BMP7: variants seen among roughly 807,000 people sequenced by gnomAD.
BMP7 encodes the protein osteogenic protein 1.
A neutral mutation model predicts 41.2 loss-of-function variants in BMP7; 12 were observed. The ratio of observed to expected loss-of-function variants is 0.29; its 90% confidence interval spans 0.19 to 0.47. BMP7 has a LOEUF of 0.47. BMP7 is among the 20% of genes least tolerant of loss of function. The probability of loss-of-function intolerance (pLI) is 0.99; values close to 1 mark genes in which losing one functional copy is unlikely to be tolerated. For missense variants in BMP7, 467 were observed against 606.0 expected, an observed-to-expected ratio of 0.77 and a Z score of 2.41; for synonymous variants, 248 against 250.0, an observed-to-expected ratio of 0.99 and a Z score of 0.07.
rs1600646213 is a variant in BMP7 at position 57,255,931 on chromosome 20, A to C, written c.418+9774T>G. ...AGTGATAACCTGTATCTTCCGGGGA[A>C]ACACCAGCAGTCACCTCATTAGCCA... On this transcript the variant is annotated intron_variant, in intron 1 of 6. Transcript: ENST00000395863. Among the ~76,000 whole-genome samples, 7 of 152,280 alleles carry C rather than the reference A, an allele frequency of 4.6e-5. 1 individual carries two copies. The highest frequency in any genetic ancestry group is 4.6e-4 in the Admixed American group (7 of 15,302).
At chr20:57,198,542 C>T (rs184681712) in intron 3 of BMP7, among the ~76,000 whole-genome samples, 72 of 152,346 alleles carry the variant, frequency 4.7e-4, no homozygotes, top group Non-Finnish European at 8.2e-4. Flanking sequence ...GGCTTCTCCC[C>T]GCGAGGGCAC....
intron 2 of BMP7, 87 bp from the exon 3 acceptor site, chr20:57,202,710 G>T: frequency 1.5e-6 from 2 of 1,328,946 alleles, no homozygotes; most frequent in Non-Finnish European, 2.1e-6. Flanking sequence ...AGCCTCATGG[G>T]GTGGGAGGGG....
intron 2 of BMP7, among the ~76,000 whole-genome samples, chr20:57,226,189 AC>A (rs1208475095): frequency 2.6e-5 from 4 of 152,232 alleles, no homozygotes; most frequent in African/African-American, 9.6e-5. Flanking sequence ...GGCACCACAG[AC>A]CATGATGGGA....
intron 2 of BMP7, among the ~76,000 whole-genome samples, chr20:57,222,776 G>A (rs1985217927): frequency 1.4e-5 from 2 of 146,872 alleles, no homozygotes; most frequent in African/African-American, 2.7e-5. Context: ...GTGGCAAGGG[G>A]TAGAAGCCAG....
chr20:57,197,918 C>T (rs983661735), intron 3 of BMP7, among the ~76,000 whole-genome samples: 1 of 152,158 alleles, frequency 6.6e-6, no homozygotes, highest in African/African-American at 2.4e-5. Context: ...GGTTGCTAGT[C>T]CATCCTGCTT....
chr20:57,231,639 G>GACCT (rs1568723945), intron 1 of BMP7, among the ~76,000 whole-genome samples: 1 of 152,230 alleles, frequency 6.6e-6, no homozygotes, highest in East Asian at 1.9e-4. Flanking sequence ...AGCACAGCCA[G>GACCT]ACCTCCAAAG....
intron 1 of BMP7, among the ~76,000 whole-genome samples, chr20:57,256,590 G>A (rs2066135040): frequency 6.6e-6 from 1 of 152,224 alleles, no homozygotes; most frequent in Non-Finnish European, 1.5e-5. Context: ...AGTTGTGGCT[G>A]GGCAAGGTGG....
chr20:57,184,503 G>C (rs1347483258), intron 3 of BMP7, among the ~76,000 whole-genome samples: 2 of 152,122 alleles, frequency 1.3e-5, no homozygotes, highest in African/African-American at 4.8e-5. Flanking sequence ...GCAAGTAGCA[G>C]GGACAACTGG....
rs990049765 is a variant in BMP7, at chr20:57,171,481, C to T, written c.1147-373G>A. 1.3e-5 allele frequency among the ~76,000 whole-genome samples: 2 copies of T among 152,224 alleles called. No homozygotes were observed. Among genetic ancestry groups the T allele is most frequent in the Non-Finnish European group, 2.9e-5 (2 of 68,042 alleles). On this transcript the variant is annotated intron_variant, in intron 6 of 6. Transcript: ENST00000395863. The surrounding 1 kb of genome is among the most constrained non-coding windows in gnomAD (Gnocchi z 4.5). ...TCCATCTTGCTCATGGACTTCTCTG[C>T]ACCTTACAGAGGATGTGGGACAGGG...
At chr20:57,192,029 ATATAGCATAT>A (rs1350720044) in intron 3 of BMP7, among the ~76,000 whole-genome samples, 1 of 124,736 alleles carries the variant, frequency 8.0e-6, no homozygotes, top group African/African-American at 3.3e-5. Context: ...ATAATATATA[ATATAGCATAT>A]TATAGTATAT....
chr20:57,259,554 C>A lies in BMP7; in HGVS notation c.418+6151G>T, dbSNP rs560674916. On this transcript the variant is annotated intron_variant, in intron 1 of 6. Coordinates refer to ENST00000395863, the MANE Select transcript of BMP7 (RefSeq NM_001719.3). This position sits in a 1 kb window ranked among gnomAD's most constrained non-coding sequence, Gnocchi z 4.7. ...TTGCACAGGAACCGGATTATATGCA[C>A]CCTGGCTCCAAAACAATAAAGCAAT... Among the ~76,000 whole-genome samples, 4 of 152,276 alleles carry A rather than the reference C, an allele frequency of 2.6e-5. No homozygotes were observed. The highest frequency in any genetic ancestry group is 6.5e-5 in the Admixed American group (1 of 15,304).
rs917385664 is a variant in BMP7, at chr20:57,213,722, G to A, written c.612-11099C>T. On this transcript the variant is annotated intron_variant, in intron 2 of 6. Coordinates refer to ENST00000395863, the MANE Select transcript of BMP7 (RefSeq NM_001719.3). This position sits in a 1 kb window ranked among gnomAD's most constrained non-coding sequence, Gnocchi z 4.4. ...TGATGAAATCCCCAGAGTGGTCCTC[G>A]GGTCCCACAGTGGGTGCTCAGGGAT... Among the ~76,000 whole-genome samples the A allele has an allele frequency of 1.3e-5, 2 of 152,148 alleles. No homozygotes were observed. Among genetic ancestry groups the A allele is most frequent in the East Asian group, 1.9e-4 (1 of 5,190 alleles).
intron 3 of BMP7, among the ~76,000 whole-genome samples, chr20:57,201,511 A>G (rs890876686): frequency 2.0e-5 from 3 of 152,254 alleles, no homozygotes; most frequent in Non-Finnish European, 4.4e-5. Context: ...GCATCTCTGA[A>G]AAGACAGAAA....
chr20:57,228,224 C>T lies in BMP7; in HGVS notation c.611+5G>A, dbSNP rs1364546946. 6.2e-7 allele frequency: 1 copy of T among 1,613,088 alleles called. No homozygotes were observed. Among genetic ancestry groups the T allele is most frequent in the South Asian group, 1.1e-5 (1 of 91,018 alleles). On this transcript the variant is annotated splice_donor_5th_base_variant and intron_variant, in intron 2 of 6. Transcript: ENST00000395863. The surrounding 1 kb of genome is among the most constrained non-coding windows in gnomAD (Gnocchi z 4.5). ...ACCTCTCCCAGATACCCGTATAGCA[C>T]CCACCTGCCCAAGTGCTCCTGGAGC...
At chr20:57,223,775 C>T (rs937605501) in intron 2 of BMP7, among the ~76,000 whole-genome samples, 37 of 152,216 alleles carry the variant, frequency 2.4e-4, no homozygotes, top group South Asian at 6.2e-4. Context: ...TGCTCTGGAA[C>T]GTGACCATGG....
chr20:57,252,529 G>A (rs748264463), intron 1 of BMP7, among the ~76,000 whole-genome samples: 5 of 152,224 alleles, frequency 3.3e-5, no homozygotes, highest in African/African-American at 4.8e-5. Flanking sequence ...GCCAGTCCTC[G>A]ATGTGTGTTT....
chr20:57,220,869 C>A (rs113198347), intron 2 of BMP7, among the ~76,000 whole-genome samples: 16 of 152,260 alleles, frequency 1.1e-4, no homozygotes, highest in African/African-American at 2.2e-4. Context: ...CACATTGGAG[C>A]ATTTGGTAGG....
At chr20:57,189,752 CTTG>C (rs1381002338) in intron 3 of BMP7, among the ~76,000 whole-genome samples, 1 of 152,236 alleles carries the variant, frequency 6.6e-6, no homozygotes, top group Non-Finnish European at 1.5e-5. Flanking sequence ...GAACAACTAA[CTTG>C]TTTTTTCATT....
intron 3 of BMP7, among the ~76,000 whole-genome samples, chr20:57,199,693 A>G (rs1984578459): frequency 6.6e-6 from 1 of 152,166 alleles, no homozygotes; most frequent in African/African-American, 2.4e-5. Flanking sequence ...TCCCGGACTC[A>G]CTTGCTCTTT....
Sources: gnomAD v4.1 joint callset for allele counts (sites outside exome capture counted in the v4.1 genomes callset) on GRCh38, gnomAD v4.1.1 for gene constraint, Gnocchi (gnomAD v3.1) non-coding constraint, MANE v1.5 for transcripts, NCBI Gene and HGNC (gene_info 2026-07-23, HGNC 2026-07-21) for gene names.